ZFPM2: variants seen among roughly 807,000 people sequenced by gnomAD.
The protein encoded by ZFPM2 is zinc finger protein, FOG family member 2, also known as zinc finger protein ZFPM2.
A neutral mutation model predicts 98.6 loss-of-function variants in ZFPM2; 20 were observed. The observed-to-expected ratio is 0.20, with a 90% confidence interval of 0.14 to 0.29. ZFPM2 has a LOEUF of 0.29. Ranked by LOEUF, ZFPM2 falls within the 10% of genes least tolerant of loss-of-function variation. The probability of loss-of-function intolerance (pLI) is 1.00; values close to 1 mark genes in which losing one functional copy is unlikely to be tolerated. For synonymous variants in ZFPM2, 518 were observed against 502.7 expected, an observed-to-expected ratio of 1.03 and a Z score of -0.41; for missense variants, 1,310 against 1,388.6, an observed-to-expected ratio of 0.94 and a Z score of 0.90.
intron 4 of ZFPM2, among the ~76,000 whole-genome samples, chr8:105,581,721 T>C (rs1815603932): frequency 6.6e-6 from 1 of 152,174 alleles, no homozygotes; most frequent in African/African-American, 2.4e-5. Flanking sequence ...AAATCTACAA[T>C]TTAAAACTTT....
chr8:105,345,212 CAG>C (rs1812497319), intron 1 of ZFPM2, among the ~76,000 whole-genome samples: 1 of 152,186 alleles, frequency 6.6e-6, no homozygotes, highest in Admixed American at 6.5e-5. Flanking sequence ...AGGATCTTAA[CAG>C]AAGAATTTTT....
chr8:105,698,012 T>G lies in ZFPM2; in HGVS notation c.532+63655T>G, dbSNP rs1250845714. Among the ~76,000 whole-genome samples, 3 of 152,210 alleles carry G rather than the reference T, an allele frequency of 2.0e-5. No homozygotes were observed. In the East Asian group the frequency reaches 5.8e-4, roughly 29 times the overall value. On this transcript the variant is annotated intron_variant, in intron 5 of 7. Transcript: ENST00000407775. ...ATTTTCAGATCTCTGAATCACATAT[T>G]TTGATATATTGTAATATGTTCCTAA...
At chr8:105,326,426 C>T (rs1269490718) in intron 1 of ZFPM2, among the ~76,000 whole-genome samples, 1 of 151,572 alleles carries the variant, frequency 6.6e-6, no homozygotes, top group Non-Finnish European at 1.5e-5. Context: ...ACTAAATACA[C>T]TTAAATGTTT....
intron 4 of ZFPM2, among the ~76,000 whole-genome samples, chr8:105,578,051 A>T (rs547368909): frequency 6.6e-6 from 1 of 152,238 alleles, no homozygotes; most frequent in Non-Finnish European, 1.5e-5. Flanking sequence ...TAATAATGTT[A>T]TCATTACGAA....
chr8:105,621,974 G>A lies in ZFPM2; in HGVS notation c.421-12272G>A, dbSNP rs188250326. Among the ~76,000 whole-genome samples the A allele has an allele frequency of 6.6e-4, 101 of 152,082 alleles. 2 individuals carry two copies. Among genetic ancestry groups the A allele is most frequent in the Admixed American group, 2.2e-3 (34 of 15,264 alleles). On this transcript the variant is annotated intron_variant, in intron 4 of 7. Transcript: ENST00000407775. ...ATGAAAGAGGGCATCCCTGTAAAAT[G>A]ATTATTTTAAAAGCAGAATAACCTA...
At chr8:105,412,607 A>G (rs755156945) in intron 1 of ZFPM2, among the ~76,000 whole-genome samples, 13 of 151,748 alleles carry the variant, frequency 8.6e-5, no homozygotes, top group Non-Finnish European at 1.8e-4. Context: ...TTTCCTTCCT[A>G]CTAGATCCCC....
Position 105,567,882 on chromosome 8 carries a change from T to C in ZFPM2, c.420+6401T>C, listed in dbSNP as rs112714163. Among the ~76,000 whole-genome samples the C allele has an allele frequency of 2.0e-3, 298 of 152,190 alleles. 6 individuals carry two copies. The highest frequency in any genetic ancestry group is 6.8e-3 in the African/African-American group (281 of 41,510). ...CCATCTCAATGGCATAATTTATAAT[T>C]TTGCTGAGGCATGACTTTTTGTTGA... On this transcript the variant is annotated intron_variant, in intron 4 of 7. Transcript: ENST00000407775.
chr8:105,768,431 C>A (rs1384482640), intron 5 of ZFPM2, among the ~76,000 whole-genome samples: 1 of 151,852 alleles, frequency 6.6e-6, no homozygotes, highest in African/African-American at 2.4e-5. Flanking sequence ...ATCTCAGGAA[C>A]CTACAAGTTT....
chr8:105,802,794 C>T lies in ZFPM2; in HGVS notation c.2712C>T (p.Ser904=), dbSNP rs2131181789. 1 of 1,613,588 alleles carries T rather than the reference C, an allele frequency of 6.2e-7. No homozygotes were observed. The change falls in exon 8 of 8, where the codon AGC becomes AGT. Residue 904 remains serine (S), a synonymous_variant. Coordinates refer to ENST00000407775, the MANE Select transcript of ZFPM2 (RefSeq NM_012082.4). ...CGAATCCAGAAAGCGAACGAAACAG[C>T]CCTGATGTCAGCTACGAAAGAAGCA... ...VFPNPESERN[S]PDVSYERSII...
intron 3 of ZFPM2, among the ~76,000 whole-genome samples, chr8:105,473,364 G>A (rs1812947409): frequency 6.6e-6 from 1 of 152,102 alleles, no homozygotes; most frequent in African/African-American, 2.4e-5. Context: ...TTGTGACATT[G>A]TTTCTCTCAC....
At chr8:105,777,148 C>T (rs562705786) in intron 5 of ZFPM2, among the ~76,000 whole-genome samples, 150 of 152,246 alleles carry the variant, frequency 9.9e-4, no homozygotes, top group African/African-American at 3.4e-3. Context: ...CAGTTTTTAT[C>T]GAACTCCAGC....
chr8:105,454,612 A>C (rs1812552259), intron 3 of ZFPM2, among the ~76,000 whole-genome samples: 1 of 152,104 alleles, frequency 6.6e-6, no homozygotes, highest in African/African-American at 2.4e-5. Context: ...TTCCCTAATA[A>C]TTATTGCCAG....
chr8:105,342,218 C>T (rs1812443548), intron 1 of ZFPM2, among the ~76,000 whole-genome samples: 3 of 151,886 alleles, frequency 2.0e-5, no homozygotes, highest in Admixed American at 1.3e-4. Flanking sequence ...ACCTTTCTGC[C>T]ACATATGTTG....
At chr8:105,417,325 G>A (rs1811697997) in intron 1 of ZFPM2, among the ~76,000 whole-genome samples, 2 of 152,084 alleles carry the variant, frequency 1.3e-5, no homozygotes, top group South Asian at 4.2e-4. Context: ...AAAGTGCTTT[G>A]AATAGTATTT....
intron 5 of ZFPM2, among the ~76,000 whole-genome samples, chr8:105,651,630 C>G (rs1382374212): frequency 6.6e-6 from 1 of 152,080 alleles, no homozygotes; most frequent in Non-Finnish European, 1.5e-5. Flanking sequence ...TTTACCCTGT[C>G]CCCATAAGAA....
chr8:105,475,126 A>C (rs1465533361), intron 3 of ZFPM2, among the ~76,000 whole-genome samples: 1 of 152,254 alleles, frequency 6.6e-6, no homozygotes, highest in African/African-American at 2.4e-5. Flanking sequence ...CATATAACTT[A>C]GAGGAGTGAC....
At position 105,595,172 on chromosome 8, in the gene ZFPM2, G is replaced by A. The variant is rs565871560; in HGVS notation, c.420+33691G>A. ...CATTGTACAGTCTTAGCAGGCACTT[G>A]CATTGGCAAGAATAAGCTTCAACAC... is the stretch of plus-strand genomic sequence containing the variant. On this transcript the variant is annotated intron_variant, in intron 4 of 7. Coordinates refer to ENST00000407775, the MANE Select transcript of ZFPM2 (RefSeq NM_012082.4). Among the ~76,000 whole-genome samples the A allele has an allele frequency of 3.9e-5, 6 of 152,264 alleles. No individual in the cohort carries two copies. The East Asian group carries it at 5.8e-4, about 15-fold the overall frequency.
At chr8:105,372,118 C>T (rs1810636109) in intron 1 of ZFPM2, among the ~76,000 whole-genome samples, 1 of 151,906 alleles carries the variant, frequency 6.6e-6, no homozygotes, top group Admixed American at 6.6e-5. Flanking sequence ...TCTCGGCTCA[C>T]TGCAAGCTCT....
intron 3 of ZFPM2, among the ~76,000 whole-genome samples, chr8:105,463,949 A>G (rs571864618): frequency 5.2e-4 from 79 of 152,192 alleles, no homozygotes; most frequent in African/African-American, 1.7e-3. Context: ...AGGAATGCAC[A>G]TGCCAGAATT....
Sources: allele counts gnomAD v4.1 joint callset (sites outside exome capture counted in the v4.1 genomes callset), GRCh38; gene constraint gnomAD v4.1.1; transcripts MANE v1.5; gene names NCBI Gene and HGNC (gene_info 2026-07-23, HGNC 2026-07-21).